Variants in CHRNA4 observed in about 807,000 individuals in gnomAD.
CHRNA4 encodes neuronal acetylcholine receptor subunit alpha-4.
CHRNA4 carries 28 observed loss-of-function variants against 48.9 expected under a neutral mutation model. The ratio of observed to expected loss-of-function variants is 0.57; its 90% confidence interval spans 0.42 to 0.79. CHRNA4 has a LOEUF of 0.79. CHRNA4 is among the 30% of genes least tolerant of loss of function. The probability of loss-of-function intolerance (pLI) is 0.00; values close to 1 mark genes in which losing one functional copy is unlikely to be tolerated. For missense variants in CHRNA4, 859 were observed against 898.4 expected (o/e 0.96, Z 0.56); for synonymous variants, 425 against 402.3 (o/e 1.06, Z -0.68).
chr20:63,360,938 G>C (rs1453570113), intron 1 of CHRNA4, 152 bp downstream of exon 1: 1 of 598,748 alleles, frequency 1.7e-6, no homozygotes, highest in Non-Finnish European at 2.6e-6. Flanking sequence ...AGCGCAGCCT[G>C]TGCGGCTGGG....
rs141787401 is a variant in CHRNA4 at position 63,349,240 on chromosome 20, G to T, written c.1758+413C>A. On this transcript the variant is annotated intron_variant, in intron 5 of 5. Coordinates refer to ENST00000370263, the MANE Select transcript of CHRNA4 (RefSeq NM_000744.7). ...GAGGGGCCCCGGGGAGGCCCGCGGG[G>T]CAGGCACAGGCGCACTCTGGAGAAA... Among the ~76,000 whole-genome samples, 178 of 152,336 alleles carry T rather than the reference G, an allele frequency of 1.2e-3. 2 individuals carry two copies. In the East Asian group the frequency reaches 0.027, roughly 23 times the overall value.
chr20:63,348,842 G>A (rs1390497650), intron 5 of CHRNA4, among the ~76,000 whole-genome samples: 1 of 150,926 alleles, frequency 6.6e-6, no homozygotes, highest in Non-Finnish European at 1.5e-5. Flanking sequence ...AAACAGGGAA[G>A]CTACCTGGTG....
At chr20:63,356,532 G>A (rs1451288300) in intron 2 of CHRNA4, 117 bp from the exon 3 acceptor site, 49 of 1,112,806 alleles carry the variant, frequency 4.4e-5, no homozygotes, top group Middle Eastern at 3.9e-4. Flanking sequence ...TATGGTGGAC[G>A]GGCGACCTGT....
chr20:63,350,857 T>C lies in CHRNA4; in HGVS notation c.554A>G (p.Asp185Gly), dbSNP rs201530542. Reference protein sequence around the residue: ...CTMKFGSWTYDKAKIDLVNMH... With the variant: ...CTMKFGSWTYGKAKIDLVNMH... ...GTTCACCAGGTCGATCTTGGCCTTG[T>C]CGTAGGTCCAGGAGCCGAATTTCAT... is the stretch of plus-strand genomic sequence containing the variant. The change falls in exon 5 of 6, where the codon GAC becomes GGC. Residue 185 changes from aspartate (D) to glycine (G), a missense_variant. Around this residue, in one of 3 missense-constraint regions of CHRNA4, gnomAD observed 342 missense variants for 365.3 expected, o/e 0.94. Transcript: ENST00000370263. 2.5e-6 allele frequency: 4 copies of C among 1,613,784 alleles called. No homozygotes were observed. The highest frequency in any genetic ancestry group is 8.5e-7 in the Non-Finnish European group (1 of 1,179,998).
At chr20:63,357,551 C>T (rs2068739113) in intron 2 of CHRNA4, among the ~76,000 whole-genome samples, 1 of 152,232 alleles carries the variant, frequency 6.6e-6, no homozygotes, top group Non-Finnish European at 1.5e-5. Context: ...GGCCTGAGCT[C>T]ACACGTGCAG....
At chr20:63,361,060 AG>A in intron 1 of CHRNA4, 29 bp downstream of exon 1, 4 of 1,413,098 alleles carry the variant, frequency 2.8e-6, no homozygotes, top group Non-Finnish European at 3.7e-6. Context: ...CGCGGGCGAA[AG>A]GGGGCCCATC....
chr20:63,350,871 G>A lies in CHRNA4; in HGVS notation c.540C>T (p.Gly180=). Residue 180 remains glycine (G), a synonymous_variant, in exon 5 of 6, where the codon GGC becomes GGT. Transcript: ENST00000370263. ...FDQQNCTMKF[G]SWTYDKAKID... is the part of the protein sequence containing the mutation. ...TCTTGGCCTTGTCGTAGGTCCAGGA[G>A]CCGAATTTCATGGTGCAGTTCTGCT... 6.2e-7 allele frequency: 1 copy of A among 1,614,052 alleles called. No individual in the cohort carries two copies. The highest frequency in any genetic ancestry group is 8.5e-7 in the Non-Finnish European group (1 of 1,180,026).
chr20:63,356,689 G>C, intron 2 of CHRNA4: 1 of 556,208 alleles, frequency 1.8e-6, no homozygotes, highest in South Asian at 2.0e-5. Context: ...CCCAGCTAAG[G>C]ACAGGTGTGG....
At chr20:63,352,757 T>C (rs1448213235) in intron 4 of CHRNA4, among the ~76,000 whole-genome samples, 1 of 152,182 alleles carries the variant, frequency 6.6e-6, no homozygotes, top group African/African-American at 2.4e-5. Flanking sequence ...TCTGCGCCAC[T>C]CTGGGCAGGG....
In CHRNA4 at chr20:63,346,046, C is replaced by T. The variant is rs1185290950; in HGVS notation, c.*692G>A. On this transcript the variant is annotated 3_prime_UTR_variant, in exon 6 of 6. Transcript: ENST00000370263. ...GGCCTGCGCAGGGGAGAGCTGGTCC[C>T]GCGTGGGCCTCCCGATTCTCCCCAC... The T allele has an allele frequency of 6.6e-6, 3 of 453,998 alleles. No homozygotes were observed. The highest frequency in any genetic ancestry group is 6.9e-4 in the Middle Eastern group (1 of 1,442). 28.1% of individuals were successfully genotyped at this position (453,998 alleles called of 1,614,324 possible). A position where few individuals can be genotyped will look rare whatever the true frequency, so the allele number is the denominator to read the frequency against.
In CHRNA4 at chr20:63,351,121, C is replaced by A; in HGVS notation, c.384-94G>T. On this transcript the variant is annotated intron_variant, in intron 4 of 5. Coordinates refer to ENST00000370263, the MANE Select transcript of CHRNA4 (RefSeq NM_000744.7). ...GCCACACCCATGCCCACGTCCACACCCACACCCACATCCACGCCCACATCC... is the reference window on the plus strand; with the variant it reads ...GCCACACCCATGCCCACGTCCACACACACACCCACATCCACGCCCACATCC... 3.5e-6 allele frequency: 5 copies of A among 1,418,428 alleles called. No individual in the cohort carries two copies. In the South Asian group the frequency reaches 6.1e-5, roughly 17 times the overall value. The allele number at this position is 1,418,428 out of a possible 1,614,324, so 87.9% of individuals were successfully genotyped here.
intron 4 of CHRNA4, chr20:63,355,420 A>G (rs2068701647): frequency 2.5e-5 from 24 of 944,500 alleles, no homozygotes; most frequent in Non-Finnish European, 3.5e-5. Flanking sequence ...CTGGCGTGAC[A>G]TGTCCTGGGC....
In CHRNA4 at chr20:63,359,674, GGCCCGGGTCTCCACATGGCT is replaced by G; in HGVS notation, c.82_101del (p.Ser28ProfsTer41). On this transcript the variant is annotated frameshift_variant, in exon 2 of 6. Transcript: ENST00000370263. LOFTEE classifies it high-confidence loss of function. ...TCTTCAGGAGCCGCTCCTCGGCGTG[GGCCCGGGTCTCCACATGGCT>G]GCTGGCTGCGGGGAGAGGCAGGCCA... 1 of 1,611,578 alleles carries G rather than the reference GGCCCGGGTCTCCACATGGCT, an allele frequency of 6.2e-7. No homozygotes were observed. The highest frequency in any genetic ancestry group is 8.5e-7 in the Non-Finnish European group (1 of 1,179,892).
Position 63,357,786 on chromosome 20 carries a change from C to A in CHRNA4, c.229-1371G>T, listed in dbSNP as rs570427276. Among the ~76,000 whole-genome samples, 3 of 152,340 alleles carry A rather than the reference C, an allele frequency of 2.0e-5. No homozygotes were observed. The East Asian group carries it at 5.8e-4, about 29-fold the overall frequency. On this transcript the variant is annotated intron_variant, in intron 2 of 5. Coordinates refer to ENST00000370263, the MANE Select transcript of CHRNA4 (RefSeq NM_000744.7). Reference sequence around the variant, plus strand: ...CACACGTGGCCCTCGGCCTTGGGCACCCAGGAGCGTCAGCACCCACGTGTG... The same window carrying A: ...CACACGTGGCCCTCGGCCTTGGGCAACCAGGAGCGTCAGCACCCACGTGTG...
At chr20:63,353,532 T>G (rs1601483962) in intron 4 of CHRNA4, among the ~76,000 whole-genome samples, 1 of 51,642 alleles carries the variant, frequency 1.9e-5, no homozygotes, top group Non-Finnish European at 3.5e-5. Context: ...GCTGTGGTCC[T>G]AGAGGGGGCC....
chr20:63,359,538 C>A lies in CHRNA4; in HGVS notation c.228+10G>T, dbSNP rs759148756. ...CAGTCACAGTGCACGATGGCCACGC[C>A]CTCACCTACCACGTCAATGAGCTGA... On this transcript the variant is annotated intron_variant, in intron 2 of 5. Transcript: ENST00000370263. 4 of 1,612,622 alleles carry A rather than the reference C, an allele frequency of 2.5e-6. No homozygotes were observed. The Admixed American group carries it at 6.7e-5, about 27-fold the overall frequency.
rs753797000 is a variant in CHRNA4 at position 63,345,092 on chromosome 20, C to T, written c.*1646G>A. On this transcript the variant is annotated 3_prime_UTR_variant, in exon 6 of 6. Coordinates refer to ENST00000370263, the MANE Select transcript of CHRNA4 (RefSeq NM_000744.7). The surrounding 1 kb of genome is among the most constrained non-coding windows in gnomAD (Gnocchi z 5.4). The stretch of plus-strand genomic sequence containing the variant: ...TCTCCTCCCCACTCACGTCACTGCC[C>T]GCGGGGACACAGCGGCATTTCTGGG... 3.1e-5 allele frequency: 14 copies of T among 453,948 alleles called. No homozygotes were observed. The highest frequency in any genetic ancestry group is 2.8e-4 in the Admixed American group (12 of 42,552). 28.1% of individuals were successfully genotyped at this position (453,948 alleles called of 1,614,324 possible).
At chr20:63,353,162 G>A (rs2068641424) in intron 4 of CHRNA4, among the ~76,000 whole-genome samples, 1 of 152,340 alleles carries the variant, frequency 6.6e-6, no homozygotes, top group South Asian at 2.1e-4. Flanking sequence ...CCCCAACTGG[G>A]GGTGGCCAAA....
chr20:63,349,472 G>C lies in CHRNA4; in HGVS notation c.1758+181C>G, dbSNP rs2068546949. Reference sequence around the variant, plus strand: ...GGGGCCCCCTGCCCCGCTCAGCCTGGGACCTGCGGCCACATAGCAGGCTTG... The same window carrying C: ...GGGGCCCCCTGCCCCGCTCAGCCTGCGACCTGCGGCCACATAGCAGGCTTG... On this transcript the variant is annotated intron_variant, in intron 5 of 5. Transcript: ENST00000370263. 1.2e-5 allele frequency: 10 copies of C among 805,788 alleles called. No homozygotes were observed. The South Asian group carries it at 1.6e-4, about 13-fold the overall frequency. 49.9% of individuals were successfully genotyped at this position (805,788 alleles called of 1,614,324 possible).
Sources: allele counts gnomAD v4.1 joint callset (sites outside exome capture counted in the v4.1 genomes callset), GRCh38; gene constraint gnomAD v4.1.1; regional missense constraint gnomAD v4.1.1; non-coding constraint Gnocchi (gnomAD v3.1); transcripts MANE v1.5; gene names NCBI Gene and HGNC (gene_info 2026-07-23, HGNC 2026-07-21).